The following AKR1B10 variants were observed in gnomAD, a reference collection of about 807,000 sequenced individuals.
AKR1B10 encodes the protein aldo-keto reductase family 1 member B10.
Under a neutral mutation model 38.9 loss-of-function variants are expected in AKR1B10, and 39 were observed. The observed-to-expected ratio is 1.00, with a 90% CI of 0.78 to 1.31. The LOEUF (loss-of-function observed/expected upper bound fraction) is 1.31. Among genes scored for constraint, AKR1B10 ranks in the 50% most tolerant of loss-of-function variants. The pLI, the probability that AKR1B10 is intolerant of heterozygous loss-of-function variation, is 0.00. For missense variants in AKR1B10, 361 were observed against 382.6 expected (o/e 0.94, Z 0.47); for synonymous variants, 148 against 141.2 (o/e 1.05, Z -0.34).
At chr7:134,531,621 A>G (rs1807857932) in intron 2 of AKR1B10, among the ~76,000 whole-genome samples, 1 of 152,212 alleles carries the variant, frequency 6.6e-6, no homozygotes, top group African/African-American at 2.4e-5. Context: ...AGAGACTGAG[A>G]CAGGTAAACA....
chr7:134,541,269 G>C lies in AKR1B10; in HGVS notation c.*180G>C. ...ATTTCTGTATGTTCAACTAGGATCA[G>C]AATATCACAGAAAAGCATGGCTTGA... On this transcript the variant is annotated 3_prime_UTR_variant, in exon 10 of 10. Transcript: ENST00000359579. The C allele has an allele frequency of 1.9e-6, 1 of 533,736 alleles. No individual in the cohort carries two copies. 33.1% of individuals were successfully genotyped at this position (533,736 alleles called of 1,614,324 possible).
At chr7:134,529,726 T>A (rs1807798797) in intron 1 of AKR1B10, among the ~76,000 whole-genome samples, 2 of 152,218 alleles carry the variant, frequency 1.3e-5, no homozygotes, top group South Asian at 4.1e-4. Flanking sequence ...GCCCCCATCA[T>A]TGGCTTGGCT....
At chr7:134,532,370 T>C (rs578052496) in intron 3 of AKR1B10, among the ~76,000 whole-genome samples, 20 of 152,294 alleles carry the variant, frequency 1.3e-4, no homozygotes, top group Admixed American at 1.2e-3. Flanking sequence ...TGGGTTACTC[T>C]TGCATAACTA....
chr7:134,529,780 TTTTTCTTTC>T (rs954380019), intron 1 of AKR1B10, among the ~76,000 whole-genome samples: 3 of 152,164 alleles, frequency 2.0e-5, no homozygotes, highest in African/African-American at 7.2e-5. Flanking sequence ...TTCTTTTCTT[TTTTTCTTTC>T]TTTTCTTTTC....
Position 134,538,224 on chromosome 7 carries a change from G to A in AKR1B10, c.772G>A (p.Val258Met), listed in dbSNP as rs1808063235. Residue 258 changes from valine to methionine, a missense_variant, in exon 8 of 10, where the codon GTG becomes ATG. Around this residue, in one of 3 missense-constraint regions of AKR1B10, gnomAD observed 132 missense variants for 134.6 expected, o/e 0.98. Coordinates refer to ENST00000359579, the MANE Select transcript of AKR1B10 (RefSeq NM_020299.5). Reference protein sequence around the residue: ...VLIRFHIQRNVIVIPKSVTPA... With the variant: ...VLIRFHIQRNMIVIPKSVTPA... ...GATCCGTTTCCATATCCAGAGGAAT[G>A]TGATTGTCATCCCCAAGTCTGTGAC... 1.2e-6 allele frequency: 2 copies of A among 1,614,134 alleles called. No individual in the cohort carries two copies. Among genetic ancestry groups the A allele is most frequent in the Non-Finnish European group, 1.7e-6 (2 of 1,179,990 alleles).
Position 134,533,074 on chromosome 7 carries a change from C to T in AKR1B10, c.422C>T (p.Ala141Val), listed in dbSNP as rs201265934. ...GGTGGAAAAGCAACGTTCTTGGATG[C>T]CTGGGAGGTAGGTTCCCAGCTTCCT... ...AIGGKATFLD[A>V]WEAMEELVDE... The change falls in exon 4 of 10, where the codon GCC becomes GTC. Residue 141 changes from alanine to valine, a missense_variant. By Grantham distance (64) the Ala-to-Val change is moderately conservative (BLOSUM62 0). Coordinates refer to ENST00000359579, the MANE Select transcript of AKR1B10 (RefSeq NM_020299.5). The T allele has an allele frequency of 1.3e-6, 2 of 1,593,094 alleles. No individual in the cohort carries two copies. Among genetic ancestry groups the T allele is most frequent in the East Asian group, 2.3e-5 (1 of 43,430 alleles).
chr7:134,536,828 G>T, intron 5 of AKR1B10, 56 bp downstream of exon 5: 1 of 1,607,366 alleles, frequency 6.2e-7, no homozygotes, highest in Non-Finnish European at 8.5e-7. Context: ...CTTAAACATT[G>T]CGGGAGGAAT....
intron 4 of AKR1B10, among the ~76,000 whole-genome samples, chr7:134,534,788 C>T (rs1331042445): frequency 2.0e-5 from 3 of 152,120 alleles, no homozygotes; most frequent in Non-Finnish European, 4.4e-5. Flanking sequence ...ATCTAATTGC[C>T]CCATCTGAAA....
At chr7:134,535,419 T>C (rs928178601) in intron 4 of AKR1B10, among the ~76,000 whole-genome samples, 1 of 152,036 alleles carries the variant, frequency 6.6e-6, no homozygotes, top group African/African-American at 2.4e-5. Flanking sequence ...CATGAGCCAC[T>C]GCATCCAGCC....
At position 134,532,040 on chromosome 7, in the gene AKR1B10, T is replaced by C; in HGVS notation, c.351+16T>C. 2 of 1,613,798 alleles carry C rather than the reference T, an allele frequency of 1.2e-6. No individual in the cohort carries two copies. Among genetic ancestry groups the C allele is most frequent in the Non-Finnish European group, 1.7e-6 (2 of 1,179,714 alleles). On this transcript the variant is annotated intron_variant, in intron 3 of 9. Coordinates refer to ENST00000359579, the MANE Select transcript of AKR1B10 (RefSeq NM_020299.5). ...GGGATTCAAGGTTTAAGACACTCTC[T>C]TTCTCAGCCTCTAGTTTCTGAGCAG...
chr7:134,535,257 T>A (rs1807964717), intron 4 of AKR1B10, among the ~76,000 whole-genome samples: 1 of 152,026 alleles, frequency 6.6e-6, no homozygotes, highest in Non-Finnish European at 1.5e-5. Context: ...ATCAGAAACA[T>A]ATATATTATT....
chr7:134,537,831 G>A (rs952707683), intron 7 of AKR1B10, among the ~76,000 whole-genome samples, 170 bp downstream of exon 7: 5 of 152,072 alleles, frequency 3.3e-5, no homozygotes, highest in African/African-American at 1.2e-4. Context: ...CACAAGAGCT[G>A]TCACTGAAGC....
chr7:134,537,761 A>G (rs1808052335), intron 7 of AKR1B10, 100 bp downstream of exon 7: 21 of 1,417,342 alleles, frequency 1.5e-5, no homozygotes, highest in Non-Finnish European at 2.1e-5. Flanking sequence ...AAGGGGAAGA[A>G]TATAGGAGCT....
chr7:134,530,603 A>C, intron 1 of AKR1B10, 40 bp from the exon 2 acceptor site: 1 of 1,610,896 alleles, frequency 6.2e-7, no homozygotes, highest in Non-Finnish European at 8.5e-7. Context: ...CATCTCTTAA[A>C]AAAAACACAT....
intron 4 of AKR1B10, among the ~76,000 whole-genome samples, chr7:134,535,984 C>T (rs375957959): frequency 1.3e-4 from 20 of 152,230 alleles, no homozygotes; most frequent in East Asian, 5.8e-4. Flanking sequence ...CCCTTCCTTG[C>T]GTGTCCATGC....
At chr7:134,537,493 A>G (rs1165514396) in intron 6 of AKR1B10, 87 bp from the exon 7 acceptor site, 3 of 1,396,520 alleles carry the variant, frequency 2.1e-6, no homozygotes, top group Non-Finnish European at 3.0e-6. Flanking sequence ...GGCTCTGATG[A>G]TCAGTCTTGA....
chr7:134,539,916 A>C (rs1808103657), intron 9 of AKR1B10, among the ~76,000 whole-genome samples: 1 of 152,200 alleles, frequency 6.6e-6, no homozygotes. Flanking sequence ...TATAGCCAAA[A>C]ACGATTTTTC....
At chr7:134,535,977 T>G (rs1807990380) in intron 4 of AKR1B10, among the ~76,000 whole-genome samples, 1 of 152,254 alleles carries the variant, frequency 6.6e-6, no homozygotes, top group South Asian at 2.1e-4. Context: ...AAAGATTCCC[T>G]TCCTTGCGTG....
At position 134,538,237 on chromosome 7, in the gene AKR1B10, C is replaced by A. The variant is rs1808063719; in HGVS notation, c.785C>A (p.Pro262His). 1.2e-6 allele frequency: 2 copies of A among 1,614,088 alleles called. No individual in the cohort carries two copies. Among genetic ancestry groups the A allele is most frequent in the South Asian group, 2.2e-5 (2 of 91,066 alleles). ...FHIQRNVIVI[P>H]KSVTPARIVE... ...ATCCAGAGGAATGTGATTGTCATCC[C>A]CAAGTCTGTGACACCAGCACGCATT... Residue 262 changes from proline to histidine, a missense_variant, in exon 8 of 10, where the codon CCC (proline) becomes CAC (histidine). This residue lies in a region of AKR1B10 where 132 missense variants were observed against 134.6 expected (regional missense o/e 0.98). Transcript: ENST00000359579.
Sources: gnomAD v4.1 joint callset for allele counts (sites outside exome capture counted in the v4.1 genomes callset) on GRCh38, gnomAD v4.1.1 for gene constraint, gnomAD v4.1.1 regional missense constraint, MANE v1.5 for transcripts, NCBI Gene and HGNC (gene_info 2026-07-23, HGNC 2026-07-21) for gene names.